The following FILIP1L variants were observed in gnomAD, a reference collection of about 807,000 sequenced individuals.
FILIP1L encodes filamin A-interacting protein 1-like.
FILIP1L carries 55 observed loss-of-function variants against 96.6 expected under a neutral mutation model. The ratio of observed to expected loss-of-function variants is 0.57; its 90% CI spans 0.46 to 0.71. FILIP1L has a LOEUF of 0.71. Among genes scored for constraint, FILIP1L ranks in the 30% least tolerant of loss-of-function variants. The pLI is 0.00. For synonymous variants in FILIP1L, 467 were observed against 473.9 expected, an observed-to-expected ratio of 0.99 and a Z score of 0.19; for missense variants, 1,304 against 1,321.2, an observed-to-expected ratio of 0.99 and a Z score of 0.20.
At chr3:100,106,532 C>T (rs2066398195) in intron 1 of FILIP1L, among the ~76,000 whole-genome samples, 1 of 152,132 alleles carries the variant, frequency 6.6e-6, no homozygotes, top group South Asian at 2.1e-4. Flanking sequence ...TGACTCTTTA[C>T]CCAAAGAAAG....
At chr3:99,949,486 G>A (rs1015595042) in intron 1 of FILIP1L, among the ~76,000 whole-genome samples, 28 of 152,194 alleles carry the variant, frequency 1.8e-4, no homozygotes, top group African/African-American at 6.8e-4. Context: ...TCCACGTATA[G>A]TCCCACCTTT....
chr3:99,928,624 A>C (rs923527696), intron 3 of FILIP1L, among the ~76,000 whole-genome samples: 1 of 152,198 alleles, frequency 6.6e-6, no homozygotes, highest in African/African-American at 2.4e-5. Context: ...CGATTTCAAC[A>C]TAAGTTTGGA....
chr3:99,991,697 A>C (rs889469547), intron 1 of FILIP1L, among the ~76,000 whole-genome samples: 1 of 151,966 alleles, frequency 6.6e-6, no homozygotes, highest in African/African-American at 2.4e-5. Context: ...AGGTGAGAAC[A>C]TGCTGTATTT....
intron 4 of FILIP1L, among the ~76,000 whole-genome samples, chr3:99,912,624 T>G (rs971300049): frequency 6.6e-6 from 1 of 152,146 alleles, no homozygotes; most frequent in African/African-American, 2.4e-5. Flanking sequence ...GCAGTCCACC[T>G]GCCTCAGCCT....
intron 5 of FILIP1L, among the ~76,000 whole-genome samples, chr3:99,833,473 A>G (rs547985431): frequency 4.4e-4 from 67 of 152,344 alleles, no homozygotes; most frequent in African/African-American, 1.3e-3. Context: ...TCTCAGTTCT[A>G]TAGCCCAATT....
intron 1 of FILIP1L, among the ~76,000 whole-genome samples, chr3:99,943,254 G>A (rs1380833193): frequency 6.6e-6 from 1 of 152,200 alleles, no homozygotes; most frequent in Middle Eastern, 3.2e-3. Context: ...TGGCTTTTGT[G>A]TGTGGCCTTC....
rs138584187 is a variant in FILIP1L at position 100,002,136 on chromosome 3, T to C, written c.-10-71106A>G. Among the ~76,000 whole-genome samples the C allele has an allele frequency of 8.5e-5, 13 of 152,340 alleles. No individual in the cohort carries two copies. In the East Asian group the frequency reaches 2.3e-3, roughly 27 times the overall value. ...GCTCACTGGGACTGACCACCTCCTG[T>C]ACAGACCTGTGTCTCTAATGAATTC... On this transcript the variant is annotated intron_variant, in intron 1 of 5. Transcript: ENST00000477258.
intron 1 of FILIP1L, among the ~76,000 whole-genome samples, chr3:99,977,796 T>C (rs1709014126): frequency 6.6e-6 from 1 of 152,214 alleles, no homozygotes; most frequent in South Asian, 2.1e-4. Context: ...TAACTTACTT[T>C]GTCTGATGGC....
At chr3:99,955,628 G>A (rs964594267) in intron 1 of FILIP1L, among the ~76,000 whole-genome samples, 7 of 152,156 alleles carry the variant, frequency 4.6e-5, no homozygotes, top group African/African-American at 1.7e-4. Flanking sequence ...ATATTTTCCT[G>A]GAGCTCCGTT....
intron 5 of FILIP1L, among the ~76,000 whole-genome samples, chr3:99,838,717 A>G (rs561760608): frequency 9.2e-5 from 14 of 152,318 alleles, no homozygotes; most frequent in African/African-American, 3.4e-4. Context: ...GTGACATACT[A>G]ACAGAATGAC....
rs764727815 is a variant in FILIP1L, at chr3:99,848,803, T to C, written c.2873A>G (p.Lys958Arg). Residue 958 changes from lysine (K) to arginine (R), a missense_variant, in exon 5 of 6, where the codon AAG (lysine) becomes AGG (arginine). By Grantham distance (26) the Lys-to-Arg change is conservative (BLOSUM62 2). Coordinates refer to ENST00000477258, the MANE Select transcript of FILIP1L (RefSeq NM_001387850.1). ...ILQNASITPV[K>R]SKTSTEDLMN... ...GAGGTCTTCGGTAGAGGTTTTGGAC[T>C]TTACTGGTGTTATGGAGGCGTTTTG... 6.2e-7 allele frequency: 1 copy of C among 1,614,170 alleles called. No homozygotes were observed. The highest frequency in any genetic ancestry group is 8.5e-7 in the Non-Finnish European group (1 of 1,180,020).
chr3:99,854,119 C>T (rs1943841254), intron 4 of FILIP1L, among the ~76,000 whole-genome samples: 1 of 152,076 alleles, frequency 6.6e-6, no homozygotes, highest in African/African-American at 2.4e-5. Flanking sequence ...TATCCAGGAG[C>T]ATTTGAAGGT....
At chr3:99,975,233 T>C (rs1708934723) in intron 1 of FILIP1L, among the ~76,000 whole-genome samples, 1 of 152,222 alleles carries the variant, frequency 6.6e-6, no homozygotes, top group Non-Finnish European at 1.5e-5. Context: ...CCTTCATTCA[T>C]GCATCCATTC....
intron 1 of FILIP1L, among the ~76,000 whole-genome samples, chr3:100,048,749 G>C (rs1027331514): frequency 3.9e-5 from 6 of 152,148 alleles, no homozygotes; most frequent in African/African-American, 1.4e-4. Context: ...CATGGACAAA[G>C]ACTGGGATTC....
At chr3:100,008,260 T>C (rs1559723334) in intron 1 of FILIP1L, among the ~76,000 whole-genome samples, 1 of 152,142 alleles carries the variant, frequency 6.6e-6, no homozygotes, top group African/African-American at 2.4e-5. Flanking sequence ...GCTTCCCAAT[T>C]AGATTCCCTG....
chr3:99,906,808 C>T (rs547151860), intron 4 of FILIP1L, among the ~76,000 whole-genome samples: 1 of 152,218 alleles, frequency 6.6e-6, no homozygotes, highest in South Asian at 2.1e-4. Flanking sequence ...AGATGGTCAT[C>T]CCTAACTTGA....
intron 1 of FILIP1L, among the ~76,000 whole-genome samples, chr3:100,057,600 G>C (rs2065487367): frequency 6.6e-6 from 1 of 152,170 alleles, no homozygotes; most frequent in Non-Finnish European, 1.5e-5. Flanking sequence ...ATGTCCCCTT[G>C]GTTATCTGTT....
chr3:99,901,847 T>G (rs1487690976), intron 4 of FILIP1L, among the ~76,000 whole-genome samples: 1 of 152,110 alleles, frequency 6.6e-6, no homozygotes, highest in Non-Finnish European at 1.5e-5. Flanking sequence ...TTTTTAAGAT[T>G]TATACATTTG....
chr3:99,830,984 A>C (rs1942651994), intron 5 of FILIP1L, among the ~76,000 whole-genome samples: 1 of 152,236 alleles, frequency 6.6e-6, no homozygotes, highest in Non-Finnish European at 1.5e-5. Context: ...AGAATATGGC[A>C]TTTGACTTGG....
Sources: allele counts gnomAD v4.1 joint callset (sites outside exome capture counted in the v4.1 genomes callset), GRCh38; gene constraint gnomAD v4.1.1; transcripts MANE v1.5; gene names NCBI Gene and HGNC (gene_info 2026-07-23, HGNC 2026-07-21).